SERPINC1: variants seen among roughly 807,000 people sequenced by gnomAD.
SERPINC1 encodes antithrombin-III.
SERPINC1 carries 12 observed loss-of-function variants against 43.4 expected under a neutral mutation model. The ratio of observed to expected loss-of-function variants is 0.28; its 90% CI spans 0.18 to 0.45. The LOEUF (loss-of-function observed/expected upper bound fraction) is 0.45, where lower values mean the gene tolerates loss of function less well. SERPINC1 is among the 20% of genes least tolerant of loss of function. The probability of loss-of-function intolerance (pLI) is 1.00; values close to 1 mark genes in which losing one functional copy is unlikely to be tolerated. For missense variants in SERPINC1, 423 were observed against 578.8 expected (o/e 0.73, Z 2.76); for synonymous variants, 210 against 218.9 (o/e 0.96, Z 0.36).
intron 6 of SERPINC1, among the ~76,000 whole-genome samples, chr1:173,907,073 C>G (rs924235935): frequency 1.3e-5 from 2 of 151,902 alleles, no homozygotes; most frequent in African/African-American, 4.8e-5. Flanking sequence ...AGCTGTCGCA[C>G]CATTGCACTC....
chr1:173,914,701 T>C lies in SERPINC1; in HGVS notation c.260A>G (p.Asn87Ser), dbSNP rs2102789848. The C allele has an allele frequency of 6.2e-7, 1 of 1,614,250 alleles. No individual in the cohort carries two copies. Among genetic ancestry groups the C allele is most frequent in the Non-Finnish European group, 8.5e-7 (1 of 1,180,046 alleles). The change falls in exon 2 of 7, where the codon AAT becomes AGT. Residue 87 changes from asparagine to serine, a missense_variant. Physicochemically the swap from Asn to Ser is conservative, Grantham distance 46 (BLOSUM62 1). Transcript: ENST00000367698. ...ATAGAAAGTGGTAGCAAAGCGGGAA[T>C]TGGCCTTGGACAGTTCCCAGACACG... ...NRRVWELSKA[N>S]SRFATTFYQH... is the part of the protein sequence containing the mutation.
intron 1 of SERPINC1, among the ~76,000 whole-genome samples, chr1:173,916,371 G>T (rs1291624757): frequency 6.6e-6 from 1 of 152,196 alleles, no homozygotes; most frequent in East Asian, 1.9e-4. Context: ...CAAGCCTGGG[G>T]CTGGCTGGAA....
chr1:173,904,396 C>A (rs190691274), intron 6 of SERPINC1, among the ~76,000 whole-genome samples: 5 of 152,082 alleles, frequency 3.3e-5, no homozygotes, highest in Admixed American at 2.0e-4. Flanking sequence ...TTGTACCAGC[C>A]GCTGAAAGAT....
chr1:173,914,788 G>A lies in SERPINC1; in HGVS notation c.173C>T (p.Pro58Leu), dbSNP rs550247582. 28 of 1,614,108 alleles carry A rather than the reference G, an allele frequency of 1.7e-5. No individual in the cohort carries two copies. Among genetic ancestry groups the A allele is most frequent in the Middle Eastern group, 3.3e-4 (2 of 6,058 alleles). ...PMNPMCIYRS[P>L]EKKATEDEGS... is the part of the protein sequence containing the mutation. ...CTCATCCTCAGTTGCCTTCTTCTCC[G>A]GGGAGCGGTAAATGCACATGGGATT... The change falls in exon 2 of 7, where the codon CCG becomes CTG. Residue 58 changes from proline to leucine, a missense_variant. By Grantham distance (98) the Pro-to-Leu change is moderately conservative. Transcript: ENST00000367698.
At chr1:173,911,021 C>G in intron 3 of SERPINC1, 130 bp from the exon 4 acceptor site, 3 of 1,024,278 alleles carry the variant, frequency 2.9e-6, no homozygotes, top group East Asian at 2.4e-5. Flanking sequence ...AGCCATTGCT[C>G]TAACCCAAAT....
At position 173,917,216 on chromosome 1, in the gene SERPINC1, T is replaced by C; in HGVS notation, c.41+3A>G. On this transcript the variant is annotated splice_donor_region_variant and intron_variant, in intron 1 of 6. Transcript: ENST00000367698. ...AGGCAAGGGGAAAGCTCACCCCTCT[T>C]ACCTTTTTCCAGAGGTTACAGTTCC... 1 of 1,613,920 alleles carries C rather than the reference T, an allele frequency of 6.2e-7. No homozygotes were observed. Among genetic ancestry groups the C allele is most frequent in the Non-Finnish European group, 8.5e-7 (1 of 1,179,842 alleles).
At chr1:173,906,329 A>G (rs2227611) in intron 6 of SERPINC1, among the ~76,000 whole-genome samples, 8,942 of 152,302 alleles carry the variant, frequency 0.059, 836 homozygotes, top group African/African-American at 0.2. Flanking sequence ...ACAGGGTTCC[A>G]TGCACATCTC....
At position 173,913,678 on chromosome 1, in the gene SERPINC1, A is replaced by T. The variant is rs1029527680; in HGVS notation, c.408+875T>A. On this transcript the variant is annotated intron_variant, in intron 2 of 6. Transcript: ENST00000367698. ...AAGACTAGCCTGGCCAACATGGTGAAACCCCATCTCTACTAAGAAGAAAAA... is the reference window on the plus strand; with the variant it reads ...AAGACTAGCCTGGCCAACATGGTGATACCCCATCTCTACTAAGAAGAAAAA... 4.6e-5 allele frequency among the ~76,000 whole-genome samples: 7 copies of T among 152,260 alleles called. No homozygotes were observed. In the South Asian group the frequency reaches 1.4e-3, roughly 32 times the overall value.
At chr1:173,917,184 T>C (rs776992580) in intron 1 of SERPINC1, 35 bp downstream of exon 1, 53 of 1,603,290 alleles carry the variant, frequency 3.3e-5, no homozygotes, top group Non-Finnish European at 4.1e-5. Context: ...CAAAACCCAG[T>C]AGGGGCAGGC....
Position 173,915,239 on chromosome 1 carries a change from C to A in SERPINC1, c.42-320G>T, listed in dbSNP as rs139213405. 250 of 1,214,148 alleles carry A rather than the reference C, an allele frequency of 2.1e-4. 2 individuals are homozygous for A. The African/African-American group carries it at 3.6e-3, about 18-fold the overall frequency. The allele number at this position is 1,214,148 out of a possible 1,614,324, so 75.2% of individuals were successfully genotyped here. On this transcript the variant is annotated intron_variant, in intron 1 of 6. Coordinates refer to ENST00000367698, the MANE Select transcript of SERPINC1 (RefSeq NM_000488.4). Reference sequence around the variant, plus strand: ...CTGTTTGTGACATGGAATGTGCATGCCTAAAAAATCGGCTTTAGTGCCCAG... The same window carrying A: ...CTGTTTGTGACATGGAATGTGCATGACTAAAAAATCGGCTTTAGTGCCCAG...
rs767005471 is a variant in SERPINC1, at chr1:173,917,207, C to T, written c.41+12G>A. 13 of 1,612,562 alleles carry T rather than the reference C, an allele frequency of 8.1e-6. No homozygotes were observed. The highest frequency in any genetic ancestry group is 5.0e-5 in the Admixed American group (3 of 59,994). Reference sequence around the variant, plus strand: ...AGTAGGGGCAGGCAAGGGGAAAGCTCACCCCTCTTACCTTTTTCCAGAGGT... The same window carrying T: ...AGTAGGGGCAGGCAAGGGGAAAGCTTACCCCTCTTACCTTTTTCCAGAGGT... On this transcript the variant is annotated intron_variant, in intron 1 of 6. Coordinates refer to ENST00000367698, the MANE Select transcript of SERPINC1 (RefSeq NM_000488.4).
At chr1:173,905,821 A>C (rs917901284) in intron 6 of SERPINC1, among the ~76,000 whole-genome samples, 1 of 152,148 alleles carries the variant, frequency 6.6e-6, no homozygotes. Context: ...ACTTAAGCAA[A>C]CCTGTCCATG....
intron 1 of SERPINC1, among the ~76,000 whole-genome samples, chr1:173,916,672 C>T (rs1174495818): frequency 2.6e-5 from 4 of 152,190 alleles, no homozygotes; most frequent in African/African-American, 9.7e-5. Flanking sequence ...AGTTGTGCCA[C>T]CACCCCGTTT....
chr1:173,914,931 C>T lies in SERPINC1; in HGVS notation c.42-12G>A, dbSNP rs483352845. 2 of 1,611,366 alleles carry T rather than the reference C, an allele frequency of 1.2e-6. No individual in the cohort carries two copies. The highest frequency in any genetic ancestry group is 4.5e-5 in the East Asian group (2 of 44,878). ...AAAGATAAACCTTCCTGCAAGGAGA[C>T]AAAATGCCAAGTTAAGCTAGGCTGC... On this transcript the variant is annotated splice_polypyrimidine_tract_variant and intron_variant, in intron 1 of 6. Transcript: ENST00000367698.
In SERPINC1 at chr1:173,910,743, A is replaced by C; in HGVS notation, c.762+11T>G. 6.2e-7 allele frequency: 1 copy of C among 1,613,938 alleles called. No homozygotes were observed. The highest frequency in any genetic ancestry group is 8.5e-7 in the Non-Finnish European group (1 of 1,179,868). ...AAGTCCCTGGGGTCTCTCCAGGGCC[A>C]TTCTGAGTACCTTGAAGTAAATGGT... is the stretch of plus-strand genomic sequence containing the variant. On this transcript the variant is annotated intron_variant, in intron 4 of 6. Transcript: ENST00000367698.
chr1:173,911,729 T>C, intron 3 of SERPINC1, 70 bp downstream of exon 3: 1 of 1,276,396 alleles, frequency 7.8e-7, no homozygotes, highest in Admixed American at 1.7e-5. Flanking sequence ...TTGGATGCTG[T>C]TTCTCCACCT....
In SERPINC1 at chr1:173,912,884, G is replaced by C. The variant is rs1202485612; in HGVS notation, c.409-870C>G. Among the ~76,000 whole-genome samples, 4 of 152,220 alleles carry C rather than the reference G, an allele frequency of 2.6e-5. No individual in the cohort carries two copies. The East Asian group carries it at 7.7e-4, about 29-fold the overall frequency. On this transcript the variant is annotated intron_variant, in intron 2 of 6. Coordinates refer to ENST00000367698, the MANE Select transcript of SERPINC1 (RefSeq NM_000488.4). ...AGGGTTACATTTAAGATCTTACCTG[G>C]GGACAGAGACATGAGTGATATGGAA...
intron 2 of SERPINC1, among the ~76,000 whole-genome samples, chr1:173,913,966 T>C (rs975005056): frequency 6.6e-6 from 1 of 152,010 alleles, no homozygotes; most frequent in African/African-American, 2.4e-5. Flanking sequence ...TAATCCCATC[T>C]ACTCAGGAGG....
chr1:173,914,482 T>G, intron 2 of SERPINC1, 71 bp downstream of exon 2: 1 of 1,589,740 alleles, frequency 6.3e-7, no homozygotes, highest in Non-Finnish European at 8.6e-7. Flanking sequence ...GAGGAATCAT[T>G]GGACTTGGGC....
Sources: gnomAD v4.1 joint callset for allele counts (sites outside exome capture counted in the v4.1 genomes callset) on GRCh38, gnomAD v4.1.1 for gene constraint, MANE v1.5 for transcripts, NCBI Gene and HGNC (gene_info 2026-07-23, HGNC 2026-07-21) for gene names.